PLCB4: variants seen among roughly 807,000 people sequenced by gnomAD.
PLCB4 encodes the protein 1-phosphatidylinositol 4,5-bisphosphate phosphodiesterase beta-4.
PLCB4 carries 77 observed loss-of-function variants against 178.8 expected under a neutral mutation model. That is an observed-to-expected ratio of 0.43 (90% CI 0.36 to 0.52). PLCB4 has a LOEUF of 0.52. Ranked by LOEUF, PLCB4 falls within the 20% of genes least tolerant of loss-of-function variation. The pLI is 0.00. For synonymous variants in PLCB4, 496 were observed against 490.8 expected (o/e 1.01, Z -0.14); for missense variants, 1,024 against 1,453.4 (o/e 0.70, Z 4.80).
chr20:9,310,848 A>G (rs898270735), intron 4 of PLCB4, among the ~76,000 whole-genome samples: 1 of 152,230 alleles, frequency 6.6e-6, no homozygotes, highest in Non-Finnish European at 1.5e-5. Context: ...AGTTTATTTT[A>G]TTATTTCTGC....
chr20:9,397,174 G>C (rs1311370242), intron 19 of PLCB4, among the ~76,000 whole-genome samples: 1 of 152,174 alleles, frequency 6.6e-6, no homozygotes, highest in African/African-American at 2.4e-5. Context: ...TTTCAACAAT[G>C]CTCACAGTAT....
intron 33 of PLCB4, among the ~76,000 whole-genome samples, chr20:9,456,367 T>A (rs2043057700): frequency 6.6e-6 from 1 of 152,178 alleles, no homozygotes; most frequent in Non-Finnish European, 1.5e-5. Context: ...CTCAAGGATC[T>A]TTAAGGTGAT....
intron 38 of PLCB4, 143 bp from the exon 39 acceptor site, chr20:9,476,574 G>A (rs1234613643): frequency 6.8e-6 from 4 of 585,900 alleles, no homozygotes; most frequent in East Asian, 2.9e-5. Context: ...GTCACTGAGG[G>A]GTGTGTACAT....
chr20:9,181,940 C>A (rs1213998452), intron 2 of PLCB4, among the ~76,000 whole-genome samples: 1 of 152,054 alleles, frequency 6.6e-6, no homozygotes, highest in African/African-American at 2.4e-5. Flanking sequence ...TGCTTTCAGA[C>A]CTTGGGCTAA....
intron 36 of PLCB4, among the ~76,000 whole-genome samples, chr20:9,471,617 T>C (rs1367689350): frequency 6.6e-6 from 1 of 152,064 alleles, no homozygotes; most frequent in Non-Finnish European, 1.5e-5. Flanking sequence ...ATTACAGAAG[T>C]TCAAGAAGTT....
chr20:9,207,258 T>C (rs1372777198), intron 2 of PLCB4, among the ~76,000 whole-genome samples: 3 of 152,300 alleles, frequency 2.0e-5, no homozygotes, highest in African/African-American at 2.4e-5. Context: ...GGGGCTGAGA[T>C]TGAACTGTAG....
intron 3 of PLCB4, among the ~76,000 whole-genome samples, chr20:9,293,252 G>C (rs966888723): frequency 7.4e-5 from 11 of 149,006 alleles, no homozygotes; most frequent in African/African-American, 2.7e-4. Context: ...AGAAAGAAAG[G>C]GAAGGAAAGG....
chr20:9,227,467 C>T (rs2093881249), intron 3 of PLCB4, among the ~76,000 whole-genome samples: 1 of 151,912 alleles, frequency 6.6e-6, no homozygotes, highest in East Asian at 1.9e-4. Context: ...GATTTTTAGC[C>T]CTTATATTTA....
intron 4 of PLCB4, among the ~76,000 whole-genome samples, chr20:9,334,410 G>T (rs1014692703): frequency 6.6e-6 from 1 of 152,118 alleles, no homozygotes; most frequent in African/African-American, 2.4e-5. Flanking sequence ...GTCCTGAAGA[G>T]GATCAGGGAC....
At chr20:9,368,786 G>A (rs530436661) in intron 9 of PLCB4, among the ~76,000 whole-genome samples, 65 of 152,216 alleles carry the variant, frequency 4.3e-4, no homozygotes, top group African/African-American at 6.0e-4. Context: ...GAAGTCCCCC[G>A]GAATAGAATT....
intron 3 of PLCB4, among the ~76,000 whole-genome samples, chr20:9,304,691 C>T (rs2094744781): frequency 6.6e-6 from 1 of 152,028 alleles, no homozygotes; most frequent in South Asian, 2.1e-4. Context: ...TGTTGTGATG[C>T]TGCGTGCTCA....
chr20:9,296,052 G>A (rs988922071), intron 3 of PLCB4, among the ~76,000 whole-genome samples: 1 of 151,972 alleles, frequency 6.6e-6, no homozygotes, highest in Non-Finnish European at 1.5e-5. Context: ...AAAGAAACTA[G>A]CATCAAAGTG....
chr20:9,333,496 A>T (rs2031998900), intron 4 of PLCB4, among the ~76,000 whole-genome samples: 2 of 152,176 alleles, frequency 1.3e-5, no homozygotes, highest in Admixed American at 6.6e-5. Context: ...GTGAACAAGA[A>T]ATAGAAGGAA....
intron 3 of PLCB4, among the ~76,000 whole-genome samples, chr20:9,228,062 G>A (rs973923649): frequency 7.2e-5 from 11 of 152,136 alleles, no homozygotes; most frequent in East Asian, 1.9e-4. Flanking sequence ...CAAAGCCAGC[G>A]CACAGACTGC....
At chr20:9,447,521 C>T (rs2042487949) in intron 32 of PLCB4, among the ~76,000 whole-genome samples, 1 of 152,218 alleles carries the variant, frequency 6.6e-6, no homozygotes, top group Admixed American at 6.5e-5. Context: ...AGAACTAACA[C>T]ACCATCACTT....
chr20:9,192,871 G>A (rs1405365576), intron 2 of PLCB4, among the ~76,000 whole-genome samples: 1 of 152,068 alleles, frequency 6.6e-6, no homozygotes, highest in African/African-American at 2.4e-5. Flanking sequence ...GCCTTTATAT[G>A]CTATAGCTCA....
In PLCB4 at chr20:9,153,516, CA is replaced by C. The variant is rs370826691; in HGVS notation, c.-79+57176del. ...CTGCTGCCATGTAAGAAGTGCCTTT[CA>C]ACCTCCCGCCATGATTCTGAGGCCT... is the stretch of plus-strand genomic sequence containing the variant. On this transcript the variant is annotated intron_variant, in intron 2 of 39. Transcript: ENST00000378473. Among the ~76,000 whole-genome samples, 79 of 152,306 alleles carry C rather than the reference CA, an allele frequency of 5.2e-4. No homozygotes were observed. In the East Asian group the frequency reaches 5.4e-3, roughly 10 times the overall value.
chr20:9,156,822 T>TCCCTCCCC, intron 2 of PLCB4, among the ~76,000 whole-genome samples: 1 of 57,608 alleles, frequency 1.7e-5, no homozygotes, highest in Non-Finnish European at 3.7e-5. Context: ...CAGGGTTGCC[T>TCCCTCCCC]CCCTCCCTCC....
At chr20:9,304,430 G>T (rs2094741313) in intron 3 of PLCB4, among the ~76,000 whole-genome samples, 1 of 151,708 alleles carries the variant, frequency 6.6e-6, no homozygotes, top group Non-Finnish European at 1.5e-5. Context: ...GGTAGCCAGG[G>T]TGCAAAGAGG....
Sources: allele counts gnomAD v4.1 joint callset (sites outside exome capture counted in the v4.1 genomes callset), GRCh38; gene constraint gnomAD v4.1.1; transcripts MANE v1.5; gene names NCBI Gene and HGNC (gene_info 2026-07-23, HGNC 2026-07-21).